TMX3: variants seen among roughly 807,000 people sequenced by gnomAD.
The protein encoded by TMX3 is thioredoxin related transmembrane protein 3, also known as protein disulfide-isomerase TMX3.
TMX3 carries 40 observed loss-of-function variants against 64.4 expected under a neutral mutation model. The ratio of observed to expected loss-of-function variants is 0.62; its 90% CI spans 0.48 to 0.81. The LOEUF is 0.81. TMX3 is among the 30% of genes least tolerant of loss of function. TMX3 has a pLI of 0.00. For missense variants in TMX3, 497 were observed against 534.5 expected, an observed-to-expected ratio of 0.93 and a Z score of 0.69; for synonymous variants, 189 against 175.7, an observed-to-expected ratio of 1.08 and a Z score of -0.60.
At chr18:68,685,308 G>T (rs1913835769) in intron 10 of TMX3, among the ~76,000 whole-genome samples, 1 of 152,142 alleles carries the variant, frequency 6.6e-6, no homozygotes, top group Admixed American at 6.6e-5. Flanking sequence ...CATACATGTA[G>T]GATTAAATCC....
At chr18:68,679,661 G>A (rs1913235834) in intron 14 of TMX3, 130 bp from the exon 15 acceptor site, 1 of 687,244 alleles carries the variant, frequency 1.5e-6, no homozygotes, top group Non-Finnish European at 2.4e-6. Flanking sequence ...AAAAGGCCAT[G>A]TGGTAAACAT....
rs966509432 is a variant in TMX3 at position 68,698,166 on chromosome 18, A to G, written c.393-135T>C. The stretch of plus-strand genomic sequence containing the variant: ...TCAACTGCATTTTAAGTATATCACA[A>G]AATCCACATGAATATAATAAAACTG... On this transcript the variant is annotated intron_variant, in intron 6 of 15. Coordinates refer to ENST00000299608, the MANE Select transcript of TMX3 (RefSeq NM_019022.5). 1.6e-5 allele frequency: 10 copies of G among 622,670 alleles called. No individual in the cohort carries two copies. In the African/African-American group the frequency reaches 1.8e-4, roughly 11 times the overall value. The allele number at this position is 622,670 out of a possible 1,614,324, so 38.6% of individuals were successfully genotyped here.
At chr18:68,696,218 G>A (rs1915058467) in intron 8 of TMX3, among the ~76,000 whole-genome samples, 1 of 152,194 alleles carries the variant, frequency 6.6e-6, no homozygotes, top group Non-Finnish European at 1.5e-5. Flanking sequence ...CTGTCGCCCA[G>A]GCTGGAGTAC....
intron 4 of TMX3, among the ~76,000 whole-genome samples, chr18:68,703,300 G>T (rs941995415): frequency 2.6e-5 from 4 of 152,078 alleles, no homozygotes; most frequent in African/African-American, 7.2e-5. Flanking sequence ...TTGATTGGGG[G>T]ACAAAGTTAT....
chr18:68,682,833 T>C, intron 13 of TMX3, 92 bp downstream of exon 13: 1 of 1,068,674 alleles, frequency 9.4e-7, no homozygotes, highest in South Asian at 1.7e-5. Context: ...CTGTTTGCTA[T>C]TTTTCAGCTA....
intron 9 of TMX3, 111 bp from the exon 10 acceptor site, chr18:68,687,876 A>G (rs1914115842): frequency 2.9e-6 from 2 of 681,212 alleles, no homozygotes; most frequent in Non-Finnish European, 4.6e-6. Flanking sequence ...TCATACTTCC[A>G]TAAATATTGT....
At chr18:68,695,962 T>C (rs1915026507) in intron 8 of TMX3, among the ~76,000 whole-genome samples, 2 of 152,174 alleles carry the variant, frequency 1.3e-5, no homozygotes, top group African/African-American at 2.4e-5. Context: ...TCCTGCATCA[T>C]GTCAGGTGTG....
intron 12 of TMX3, 114 bp from the exon 13 acceptor site, chr18:68,683,095 G>A: frequency 3.6e-6 from 3 of 833,448 alleles, no homozygotes; most frequent in Non-Finnish European, 5.8e-6. Flanking sequence ...GTTAAATTCA[G>A]GCCTCAGTAG....
chr18:68,707,452 A>C (rs1196258436), intron 4 of TMX3, among the ~76,000 whole-genome samples: 1 of 152,226 alleles, frequency 6.6e-6, no homozygotes, highest in African/African-American at 2.4e-5. Flanking sequence ...AGTGCCACTT[A>C]ATAAACAGTA....
At chr18:68,684,342 AAAGT>A in intron 11 of TMX3, 82 bp downstream of exon 11, 1 of 1,503,486 alleles carries the variant, frequency 6.7e-7, no homozygotes, top group Admixed American at 1.7e-5. Flanking sequence ...TGCTGCAGGA[AAAGT>A]AAGATACCAT....
chr18:68,714,684 C>CA (rs1439765876), intron 1 of TMX3, among the ~76,000 whole-genome samples: 2 of 152,242 alleles, frequency 1.3e-5, no homozygotes, highest in South Asian at 2.1e-4. Context: ...GAGAAAAACA[C>CA]AAACACAAGG....
intron 14 of TMX3, 36 bp from the exon 15 acceptor site, chr18:68,679,567 C>G: frequency 6.4e-7 from 1 of 1,568,818 alleles, no homozygotes. Context: ...ATTATTTAAG[C>G]ACCATTACTT....
In TMX3 at chr18:68,677,782, T is replaced by C. The variant is rs576858643; in HGVS notation, c.1105-589A>G. On this transcript the variant is annotated intron_variant, in intron 15 of 15. Coordinates refer to ENST00000299608, the MANE Select transcript of TMX3 (RefSeq NM_019022.5). ...ACTGCATGAATTGCAACGATAACTC[T>C]TGAGAACATAGAGAAGTTCAGAGAA... Among the ~76,000 whole-genome samples, 19 of 152,192 alleles carry C rather than the reference T, an allele frequency of 1.2e-4. No individual in the cohort carries two copies. The South Asian group carries it at 1.7e-3, about 13-fold the overall frequency.
At chr18:68,677,313 A>G in intron 15 of TMX3, 120 bp from the exon 16 acceptor site, 1 of 1,059,170 alleles carries the variant, frequency 9.4e-7, no homozygotes, top group Non-Finnish European at 1.3e-6. Flanking sequence ...TTTTAGTTCC[A>G]ATGAATCAAT....
At chr18:68,697,118 T>C (rs760417714) in intron 8 of TMX3, 108 bp downstream of exon 8, 6 of 646,854 alleles carry the variant, frequency 9.3e-6, no homozygotes, top group South Asian at 2.2e-5. Context: ...AAATCTGATA[T>C]TAAAATCAAT....
Position 68,677,053 on chromosome 18 carries a change from A to C in TMX3, c.1245T>G (p.Ser415Arg), listed in dbSNP as rs1438964960. 3.7e-6 allele frequency: 6 copies of C among 1,613,562 alleles called. No homozygotes were observed. The highest frequency in any genetic ancestry group is 5.1e-6 in the Non-Finnish European group (6 of 1,179,766). The stretch of plus-strand genomic sequence containing the variant: ...CTATCTGTTCTTGGTTTTCATTTTC[A>C]CTTTTAGACACTTCATATCGTTCTT... ...YIEERYEVSKSENENQEQIEE... is the reference protein window; with the variant it reads ...YIEERYEVSKRENENQEQIEE... The change falls in exon 16 of 16, where the codon AGT becomes AGG. Residue 415 changes from serine to arginine, a missense_variant. Around this residue, in one of 3 missense-constraint regions of TMX3, gnomAD observed 94 missense variants for 75.8 expected, o/e 1.24. Coordinates refer to ENST00000299608, the MANE Select transcript of TMX3 (RefSeq NM_019022.5).
At chr18:68,711,306 A>G in intron 3 of TMX3, 58 bp downstream of exon 3, 4 of 1,381,156 alleles carry the variant, frequency 2.9e-6, no homozygotes, top group Non-Finnish European at 4.0e-6. Context: ...AGTAGAATAG[A>G]AAATAATACT....
chr18:68,707,674 C>T (rs1239777209), intron 4 of TMX3, among the ~76,000 whole-genome samples: 1 of 152,150 alleles, frequency 6.6e-6, no homozygotes, highest in Admixed American at 6.5e-5. Flanking sequence ...CTGACCTATT[C>T]AAGTGATCAC....
Position 68,711,394 on chromosome 18 carries a change from T to A in TMX3, c.111A>T (p.Glu37Asp). 6.3e-7 allele frequency: 1 copy of A among 1,592,204 alleles called. No homozygotes were observed. Among genetic ancestry groups the A allele is most frequent in the Admixed American group, 1.7e-5 (1 of 57,982 alleles). The change falls in exon 3 of 16, where the codon GAA (glutamate) becomes GAT (aspartate). Residue 37 changes from glutamate (E) to aspartate (D), a missense_variant. Glu to Asp is a conservative substitution (Grantham distance 45). Around this residue, in one of 3 missense-constraint regions of TMX3, gnomAD observed 360 missense variants for 383.5 expected, o/e 0.94. Coordinates refer to ENST00000299608, the MANE Select transcript of TMX3 (RefSeq NM_019022.5). ...FVEDLDESFK[E>D]NRNDDIWLVD... ...CAAGCCAAATGTCATCATTTCGATT[T>A]TCTTTAAACCTAAAAAACAAGAAAA... is the stretch of plus-strand genomic sequence containing the variant.
Sources: gnomAD v4.1 joint callset for allele counts (sites outside exome capture counted in the v4.1 genomes callset) on GRCh38, gnomAD v4.1.1 for gene constraint, gnomAD v4.1.1 regional missense constraint, MANE v1.5 for transcripts, NCBI Gene and HGNC (gene_info 2026-07-23, HGNC 2026-07-21) for gene names.